The following USH2A variants were observed in gnomAD, a reference collection of about 807,000 sequenced individuals.
The protein encoded by USH2A is Usher syndrome 2A (autosomal recessive, mild).
USH2A carries 443 observed loss-of-function variants against 538.9 expected under a neutral mutation model. The ratio of observed to expected loss-of-function variants is 0.82; its 90% CI spans 0.76 to 0.89. The LOEUF (loss-of-function observed/expected upper bound fraction) is 0.89, where lower values mean the gene tolerates loss of function less well. Ranked by LOEUF, USH2A falls within the 40% of genes least tolerant of loss-of-function variation. The pLI, the probability that USH2A is intolerant of heterozygous loss-of-function variation, is 0.00. For missense variants in USH2A, 6,633 were observed against 6,324.8 expected (o/e 1.05, Z -1.65); for synonymous variants, 2,413 against 2,273.5 (o/e 1.06, Z -1.75).
chr1:216,202,624 C>G (rs2035025203), intron 16 of USH2A, among the ~76,000 whole-genome samples: 1 of 152,196 alleles, frequency 6.6e-6, no homozygotes, highest in African/African-American at 2.4e-5. Flanking sequence ...TGGCTCAGCA[C>G]TGATTTGTGA....
chr1:216,084,673 A>G lies in USH2A; in HGVS notation c.5167+25T>C, dbSNP rs201208767. 138 of 1,610,598 alleles carry G rather than the reference A, an allele frequency of 8.6e-5. No homozygotes were observed. In the African/African-American group the frequency reaches 1.6e-3, roughly 19 times the overall value. On this transcript the variant is annotated intron_variant, in intron 25 of 71. Coordinates refer to ENST00000307340, the MANE Select transcript of USH2A (RefSeq NM_206933.4). Reference sequence around the variant, plus strand: ...GATAGAACATAGATTTTAAGTGAACACTCATGTCTTTTTTAGAGCATTACC... The same window carrying G: ...GATAGAACATAGATTTTAAGTGAACGCTCATGTCTTTTTTAGAGCATTACC...
At chr1:216,152,103 G>A (rs930586990) in intron 21 of USH2A, among the ~76,000 whole-genome samples, 33 of 151,972 alleles carry the variant, frequency 2.2e-4, no homozygotes, top group African/African-American at 8.0e-4. Context: ...AAGCAGCCCT[G>A]AGAAACATCG....
intron 40 of USH2A, 91 bp downstream of exon 40, chr1:215,899,984 G>A: frequency 6.4e-7 from 1 of 1,570,076 alleles, no homozygotes. Context: ...GTAAATAAGG[G>A]AGGCTCATTT....
intron 47 of USH2A, among the ~76,000 whole-genome samples, chr1:215,830,220 T>C (rs1663272755): frequency 6.6e-6 from 1 of 152,156 alleles, no homozygotes; most frequent in South Asian, 2.1e-4. Flanking sequence ...CTAGAGTATC[T>C]AGAACAAAAT....
intron 51 of USH2A, among the ~76,000 whole-genome samples, chr1:215,788,914 T>C (rs902938606): frequency 4.6e-5 from 3 of 65,188 alleles, no homozygotes; most frequent in Non-Finnish European, 9.6e-5. Context: ...AAACTTGGAA[T>C]CCAAAACAAA....
intron 9 of USH2A, among the ~76,000 whole-genome samples, chr1:216,296,831 T>C (rs2037115754): frequency 6.6e-6 from 1 of 152,006 alleles, no homozygotes; most frequent in Non-Finnish European, 1.5e-5. Flanking sequence ...TCACCAGCAA[T>C]GCCCATCTGC....
intron 8 of USH2A, among the ~76,000 whole-genome samples, 196 bp downstream of exon 8, chr1:216,323,274 TTTTA>T (rs1414163959): frequency 3.5e-5 from 3 of 85,836 alleles, no homozygotes; most frequent in African/African-American, 1.4e-4. Context: ...ATAAAATACG[TTTTA>T]TATATATATA....
intron 11 of USH2A, among the ~76,000 whole-genome samples, chr1:216,266,237 A>G (rs927091835): frequency 2.0e-5 from 3 of 152,144 alleles, no homozygotes; most frequent in Non-Finnish European, 2.9e-5. Flanking sequence ...AAGGCTCACC[A>G]CATGCTGGTG....
chr1:215,771,962 T>C (rs927764947), intron 55 of USH2A, among the ~76,000 whole-genome samples: 2 of 152,214 alleles, frequency 1.3e-5, no homozygotes, highest in Non-Finnish European at 2.9e-5. Flanking sequence ...GTTAGAGGAC[T>C]GGATTACTAA....
chr1:215,652,935 A>G (rs531933795), intron 64 of USH2A, among the ~76,000 whole-genome samples: 51 of 152,336 alleles, frequency 3.3e-4, no homozygotes, highest in African/African-American at 6.3e-4. Context: ...GTATAATAAA[A>G]GAAAAATTCA....
intron 11 of USH2A, among the ~76,000 whole-genome samples, chr1:216,284,597 C>G (rs560790755): frequency 6.6e-6 from 1 of 152,074 alleles, no homozygotes; most frequent in Non-Finnish European, 1.5e-5. Flanking sequence ...GGTAGTGGGG[C>G]GCTGCTGTAA....
rs191114006 is a variant in USH2A, at chr1:216,048,459, G to C, written c.6163+75C>G. 1.5e-4 allele frequency: 215 copies of C among 1,443,016 alleles called. No homozygotes were observed. The African/African-American group carries it at 2.2e-3, about 15-fold the overall frequency. 89.4% of individuals were successfully genotyped at this position (1,443,016 alleles called of 1,614,324 possible). On this transcript the variant is annotated intron_variant, in intron 31 of 71. Coordinates refer to ENST00000307340, the MANE Select transcript of USH2A (RefSeq NM_206933.4). ...TTGGGGTTTGCCAGCAAATGGCCTT[G>C]TAGCATTTAGCTCTTCTCCTATTTT...
At chr1:215,724,502 C>T (rs1303340478) in intron 61 of USH2A, among the ~76,000 whole-genome samples, 1 of 152,030 alleles carries the variant, frequency 6.6e-6, no homozygotes, top group African/African-American at 2.4e-5. Flanking sequence ...TGAGAAATGA[C>T]CTGATGGGTA....
chr1:216,412,060 T>C (rs983673600), intron 3 of USH2A, among the ~76,000 whole-genome samples: 22 of 152,176 alleles, frequency 1.4e-4, no homozygotes, highest in Non-Finnish European at 2.8e-4. Context: ...AGCTCCTTCA[T>C]AGCAGGAAGT....
At chr1:215,646,511 C>T (rs1490112944) in intron 67 of USH2A, among the ~76,000 whole-genome samples, 2 of 151,922 alleles carry the variant, frequency 1.3e-5, no homozygotes, top group African/African-American at 2.4e-5. Flanking sequence ...ATGGAGCTGC[C>T]CTGTACCATC....
chr1:215,946,817 G>C (rs190996889), intron 37 of USH2A, among the ~76,000 whole-genome samples: 1 of 152,202 alleles, frequency 6.6e-6, no homozygotes, highest in Non-Finnish European at 1.5e-5. Flanking sequence ...AAATACATTT[G>C]AAACAATTTG....
At chr1:215,802,600 A>C (rs1170824260) in intron 49 of USH2A, among the ~76,000 whole-genome samples, 1 of 152,192 alleles carries the variant, frequency 6.6e-6, no homozygotes, top group Non-Finnish European at 1.5e-5. Context: ...GTTATAAAAA[A>C]CATAAAATAA....
chr1:216,286,191 C>G (rs556474014), intron 11 of USH2A, among the ~76,000 whole-genome samples: 1 of 152,134 alleles, frequency 6.6e-6, no homozygotes, highest in Non-Finnish European at 1.5e-5. Context: ...TTCCCATAAT[C>G]CCCATGTGTT....
chr1:215,986,384 T>TAA (rs1344229624), intron 35 of USH2A, among the ~76,000 whole-genome samples: 1 of 148,332 alleles, frequency 6.7e-6, no homozygotes, highest in East Asian at 2.0e-4. Flanking sequence ...CAGGCTCAGG[T>TAA]GATTTGCCCA....
Sources: gnomAD v4.1 joint callset for allele counts (sites outside exome capture counted in the v4.1 genomes callset) on GRCh38, gnomAD v4.1.1 for gene constraint, MANE v1.5 for transcripts, NCBI Gene and HGNC (gene_info 2026-07-23, HGNC 2026-07-21) for gene names.